SYN2: variants seen among roughly 807,000 people sequenced by gnomAD.
SYN2 encodes the protein synapsin-2.
In SYN2, 19 loss-of-function variants were observed where a neutral mutation model predicts 50.9. That is an observed-to-expected ratio of 0.37 (90% CI 0.26 to 0.55). SYN2 has a LOEUF of 0.55. Among genes scored for constraint, SYN2 ranks in the 20% least tolerant of loss-of-function variants. The pLI is 0.81. For synonymous variants in SYN2, 255 were observed against 224.9 expected, an observed-to-expected ratio of 1.13 and a Z score of -1.20; for missense variants, 587 against 576.4, an observed-to-expected ratio of 1.02 and a Z score of -0.19.
At chr3:12,190,358 G>T in intron 12 of SYN2, 132 bp from the exon 13 acceptor site, 2 of 1,052,478 alleles carry the variant, frequency 1.9e-6, no homozygotes, top group Non-Finnish European at 2.9e-6. Flanking sequence ...GCCACTTCTG[G>T]CATTATCCTC....
intron 5 of SYN2, 141 bp downstream of exon 5, chr3:12,151,467 G>C (rs1016806153): frequency 1.6e-6 from 1 of 641,644 alleles, no homozygotes; most frequent in African/African-American, 1.8e-5. Flanking sequence ...AGCTTATGCG[G>C]CTGGAATAAC....
chr3:12,191,300 T>A lies in SYN2; in HGVS notation c.*675T>A. 1 of 495,766 alleles carries A rather than the reference T, an allele frequency of 2.0e-6. No homozygotes were observed. Among genetic ancestry groups the A allele is most frequent in the Non-Finnish European group, 2.6e-6 (1 of 382,660 alleles). The allele number at this position is 495,766 out of a possible 1,614,324, so 30.7% of individuals were successfully genotyped here. Reference sequence around the variant, plus strand: ...GTAACCTTGAACTCCAGAGCTGCACTATAGAGGAGAATGCATGCCACTATG... The same window carrying A: ...GTAACCTTGAACTCCAGAGCTGCACAATAGAGGAGAATGCATGCCACTATG... On this transcript the variant is annotated 3_prime_UTR_variant, in exon 13 of 13. Coordinates refer to ENST00000621198, the MANE Select transcript of SYN2 (RefSeq NM_133625.6).
intron 1 of SYN2, among the ~76,000 whole-genome samples, chr3:12,062,695 A>G (rs1462034647): frequency 1.3e-5 from 2 of 152,098 alleles, no homozygotes; most frequent in African/African-American, 4.8e-5. Flanking sequence ...AAAACTAAAC[A>G]TAGTCTTACC....
chr3:12,162,245 G>A, intron 7 of SYN2, 91 bp downstream of exon 7: 1 of 1,506,190 alleles, frequency 6.6e-7, no homozygotes, highest in Non-Finnish European at 8.9e-7. Flanking sequence ...CAGAGAGGGT[G>A]CCACTTAAGT....
intron 1 of SYN2, among the ~76,000 whole-genome samples, chr3:12,088,252 C>G (rs1695753595): frequency 6.6e-6 from 1 of 152,094 alleles, no homozygotes; most frequent in Non-Finnish European, 1.5e-5. Flanking sequence ...GGGCAAAGGA[C>G]TTGAACAGAC....
chr3:12,095,956 G>A (rs2125185403), intron 1 of SYN2, among the ~76,000 whole-genome samples: 1 of 152,128 alleles, frequency 6.6e-6, no homozygotes, highest in East Asian at 1.9e-4. Flanking sequence ...ATCCAAAACT[G>A]AACTCTTGAA....
At chr3:12,011,226 T>C (rs1200255383) in intron 1 of SYN2, among the ~76,000 whole-genome samples, 2 of 152,196 alleles carry the variant, frequency 1.3e-5, no homozygotes, top group Non-Finnish European at 2.9e-5. Context: ...TTGTGGAAAA[T>C]CTTTTGCAAG....
At chr3:12,171,414 T>C (rs1455124051) in intron 10 of SYN2, among the ~76,000 whole-genome samples, 2 of 152,126 alleles carry the variant, frequency 1.3e-5, no homozygotes, top group Non-Finnish European at 1.5e-5. Flanking sequence ...TTGTCCCTGC[T>C]CTAGCAGAAG....
chr3:12,056,098 C>G (rs1694981991), intron 1 of SYN2, among the ~76,000 whole-genome samples: 1 of 151,544 alleles, frequency 6.6e-6, no homozygotes, highest in African/African-American at 2.4e-5. Context: ...CAGATCAACT[C>G]TAAGGAAAAT....
chr3:12,091,877 G>A (rs775768738), intron 1 of SYN2, among the ~76,000 whole-genome samples: 2 of 152,106 alleles, frequency 1.3e-5, no homozygotes, highest in Non-Finnish European at 2.9e-5. Flanking sequence ...ATATTGAGAG[G>A]CAGGTGTGTT....
chr3:12,100,754 A>C (rs1314425352), intron 1 of SYN2, among the ~76,000 whole-genome samples: 1 of 152,100 alleles, frequency 6.6e-6, no homozygotes, highest in Non-Finnish European at 1.5e-5. Flanking sequence ...GAATATATAA[A>C]GAGCTCTTAT....
In SYN2 at chr3:12,188,495, G is replaced by A. The variant is rs544884234; in HGVS notation, c.1613+883G>A. Among the ~76,000 whole-genome samples, 100 of 152,200 alleles carry A rather than the reference G, an allele frequency of 6.6e-4. 2 individuals carry two copies. Among genetic ancestry groups the A allele is most frequent in the Non-Finnish European group, 1.2e-3 (81 of 68,052 alleles). On this transcript the variant is annotated intron_variant, in intron 12 of 12. Transcript: ENST00000621198. ...CCCCTGCTTCTCAGAGTGAGGTGACGGGCAACAAATGACTCTTCAGGGAGG... is the reference window on the plus strand; with the variant it reads ...CCCCTGCTTCTCAGAGTGAGGTGACAGGCAACAAATGACTCTTCAGGGAGG...
intron 10 of SYN2, among the ~76,000 whole-genome samples, chr3:12,180,439 C>T (rs980101393): frequency 1.3e-5 from 2 of 152,220 alleles, no homozygotes; most frequent in African/African-American, 4.8e-5. Flanking sequence ...GCAGTGACGC[C>T]AGAGTGGCCA....
At chr3:12,147,586 G>A (rs1192061073) in intron 4 of SYN2, among the ~76,000 whole-genome samples, 2 of 151,972 alleles carry the variant, frequency 1.3e-5, no homozygotes, top group African/African-American at 2.4e-5. Flanking sequence ...TCCTTCCTAC[G>A]GCACACGTGT....
chr3:12,190,857 C>T lies in SYN2; in HGVS notation c.*232C>T. 7.7e-7 allele frequency: 1 copy of T among 1,298,632 alleles called. No homozygotes were observed. The highest frequency in any genetic ancestry group is 2.0e-5 in the South Asian group (1 of 49,216). The allele number at this position is 1,298,632 out of a possible 1,614,324, so 80.4% of individuals were successfully genotyped here. A position where few individuals can be genotyped will look rare whatever the true frequency, so the allele number is the denominator to read the frequency against. ...GGCATCAGAGAGGAAAGAGCTGCTT[C>T]CCTGTAGTCATGAGAGCTTCCTTCT... On this transcript the variant is annotated 3_prime_UTR_variant, in exon 13 of 13. Transcript: ENST00000621198.
chr3:12,020,505 G>C (rs1162607094), intron 1 of SYN2, among the ~76,000 whole-genome samples: 4 of 152,012 alleles, frequency 2.6e-5, no homozygotes, highest in Non-Finnish European at 5.9e-5. Context: ...TGAAAGTTTT[G>C]GGAGGTTCCC....
chr3:12,037,215 G>C (rs895969634), intron 1 of SYN2, among the ~76,000 whole-genome samples: 1 of 151,936 alleles, frequency 6.6e-6, no homozygotes, highest in Non-Finnish European at 1.5e-5. Flanking sequence ...ATCTTTTTCT[G>C]ACCCCTCACC....
intron 10 of SYN2, 60 bp from the exon 11 acceptor site, chr3:12,183,252 T>C (rs1388035399): frequency 6.4e-7 from 1 of 1,562,624 alleles, no homozygotes; most frequent in Non-Finnish European, 8.6e-7. Context: ...CCACGTGGTT[T>C]CTCTTTGGAA....
chr3:12,076,963 G>T (rs1022260521), intron 1 of SYN2, among the ~76,000 whole-genome samples: 1 of 152,116 alleles, frequency 6.6e-6, no homozygotes, highest in African/African-American at 2.4e-5. Flanking sequence ...AAGAGGTGTT[G>T]AAGGAAGACT....
Sources: gnomAD v4.1 joint callset for allele counts (sites outside exome capture counted in the v4.1 genomes callset) on GRCh38, gnomAD v4.1.1 for gene constraint, MANE v1.5 for transcripts, NCBI Gene and HGNC (gene_info 2026-07-23, HGNC 2026-07-21) for gene names.